TMEM74: variants seen among roughly 807,000 people sequenced by gnomAD.
TMEM74 encodes transmembrane protein 74.
TMEM74 carries 13 observed loss-of-function variants against 18.1 expected under a neutral mutation model. The observed-to-expected ratio is 0.72, with a 90% confidence interval of 0.47 to 1.14. The LOEUF is 1.14. Ranked by LOEUF, TMEM74 falls within the 50% of genes most tolerant of loss-of-function variation. The pLI is 0.00. For synonymous variants in TMEM74, 159 were observed against 146.6 expected, an observed-to-expected ratio of 1.08 and a Z score of -0.61; for missense variants, 372 against 375.9, an observed-to-expected ratio of 0.99 and a Z score of 0.09.
intron 1 of TMEM74, among the ~76,000 whole-genome samples, chr8:108,684,750 A>C (rs1423501574): frequency 1.4e-5 from 2 of 147,314 alleles, no homozygotes; most frequent in African/African-American, 5.0e-5. Context: ...TTTTGAGTTG[A>C]TTTTTGTATA....
intron 2 of TMEM74, among the ~76,000 whole-genome samples, chr8:108,650,042 G>A (rs1442225105): frequency 6.6e-6 from 1 of 152,064 alleles, no homozygotes; most frequent in African/African-American, 2.4e-5. Flanking sequence ...TCAGCTGCAT[G>A]CTTTTTATAT....
intron 2 of TMEM74, among the ~76,000 whole-genome samples, chr8:108,630,588 A>G (rs1309225980): frequency 6.6e-6 from 1 of 151,870 alleles, no homozygotes; most frequent in Non-Finnish European, 1.5e-5. Flanking sequence ...AGTAAAACAC[A>G]CCTCAGCAAA....
chr8:108,741,796 T>C (rs1201144066), intron 1 of TMEM74, among the ~76,000 whole-genome samples: 2 of 152,234 alleles, frequency 1.3e-5, no homozygotes, highest in East Asian at 1.9e-4. Context: ...AATTGGGAGA[T>C]TGGGAGACAG....
At position 108,636,550 on chromosome 8, in the gene TMEM74, A is replaced by C. The variant is rs144170107; in HGVS notation, n.264+18743T>G. ...TCCTTGGGAATGACTTTCCCTGAGGAACAAAAGACCCCAAAGATCTAAAAA... is the reference window on the plus strand; with the variant it reads ...TCCTTGGGAATGACTTTCCCTGAGGCACAAAAGACCCCAAAGATCTAAAAA... On this transcript the variant is annotated intron_variant and non_coding_transcript_variant, in intron 2 of 3. Transcript: ENST00000518838. 1.7e-3 allele frequency among the ~76,000 whole-genome samples: 261 copies of C among 151,984 alleles called. 1 individual carries two copies. Among genetic ancestry groups the C allele is most frequent in the African/African-American group, 5.9e-3 (245 of 41,338 alleles).
At chr8:108,752,820 G>C (rs938919553) in intron 1 of TMEM74, among the ~76,000 whole-genome samples, 2 of 151,964 alleles carry the variant, frequency 1.3e-5, no homozygotes, top group African/African-American at 4.8e-5. Context: ...TTAGAAATTT[G>C]CTTAATTTCT....
At chr8:108,703,611 T>A (rs187584843) in intron 1 of TMEM74, among the ~76,000 whole-genome samples, 1 of 152,186 alleles carries the variant, frequency 6.6e-6, no homozygotes, top group African/African-American at 2.4e-5. Flanking sequence ...GCTCCAAAGA[T>A]AGATTTGCCT....
chr8:108,710,868 C>T (rs553358805), intron 1 of TMEM74, among the ~76,000 whole-genome samples: 1 of 152,238 alleles, frequency 6.6e-6, no homozygotes, highest in South Asian at 2.1e-4. Flanking sequence ...GCAATTATAC[C>T]TTTTACAGAC....
intron 1 of TMEM74, among the ~76,000 whole-genome samples, chr8:108,693,633 T>C (rs1351136708): frequency 2.0e-5 from 3 of 152,222 alleles, no homozygotes; most frequent in Non-Finnish European, 4.4e-5. Flanking sequence ...CCAAATGCCT[T>C]CCTAAATAGG....
At chr8:108,712,579 T>G (rs1813484977) in intron 1 of TMEM74, among the ~76,000 whole-genome samples, 1 of 152,262 alleles carries the variant, frequency 6.6e-6, no homozygotes. Flanking sequence ...GCTCCCTGAG[T>G]AAAAGCCATT....
intron 1 of TMEM74, among the ~76,000 whole-genome samples, chr8:108,725,619 T>A (rs1016037958): frequency 6.6e-6 from 1 of 152,130 alleles, no homozygotes; most frequent in African/African-American, 2.4e-5. Context: ...CTAAGACAGG[T>A]ATGTAGTTTC....
intron 1 of TMEM74, among the ~76,000 whole-genome samples, chr8:108,684,770 C>CG (rs1253777326): frequency 6.7e-6 from 1 of 150,120 alleles, no homozygotes; most frequent in Non-Finnish European, 1.5e-5. Context: ...AGGTGAGAGG[C>CG]GGGGGGTTCT....
chr8:108,621,433 C>G (rs1378182478), intron 2 of TMEM74, among the ~76,000 whole-genome samples: 1 of 152,138 alleles, frequency 6.6e-6, no homozygotes. Context: ...AGGTCCCCCT[C>G]CCTGAAAACG....
chr8:108,733,166 G>T (rs971321403), intron 1 of TMEM74, among the ~76,000 whole-genome samples: 1 of 152,060 alleles, frequency 6.6e-6, no homozygotes, highest in African/African-American at 2.4e-5. Context: ...TTACCTAAGA[G>T]AATTTAAAAA....
Position 108,781,274 on chromosome 8 carries a change from A to C in TMEM74, c.*2907T>G, listed in dbSNP as rs1031877515. Among the ~76,000 whole-genome samples the C allele has an allele frequency of 1.3e-5, 2 of 152,222 alleles. No homozygotes were observed. The highest frequency in any genetic ancestry group is 4.8e-5 in the African/African-American group (2 of 41,468). On this transcript the variant is annotated 3_prime_UTR_variant, in exon 2 of 2. Transcript: ENST00000297459. Reference sequence around the variant, plus strand: ...GACAGACGGAAGGTCACAAATCTCCATGAAGGATGCAAGACCAAAACTATA... The same window carrying C: ...GACAGACGGAAGGTCACAAATCTCCCTGAAGGATGCAAGACCAAAACTATA...
intron 1 of TMEM74, among the ~76,000 whole-genome samples, chr8:108,754,198 A>C (rs534587974): frequency 6.6e-6 from 1 of 151,722 alleles, no homozygotes; most frequent in Non-Finnish European, 1.5e-5. Context: ...TGTATCTCCT[A>C]CTCCCCTTTG....
At chr8:108,734,092 C>G (rs1020044619) in intron 1 of TMEM74, among the ~76,000 whole-genome samples, 14 of 152,084 alleles carry the variant, frequency 9.2e-5, no homozygotes, top group African/African-American at 3.4e-4. Context: ...GAGTCAGAAG[C>G]CTGAGTGAGG....
intron 1 of TMEM74, among the ~76,000 whole-genome samples, chr8:108,666,784 C>T (rs911756729): frequency 2.6e-5 from 4 of 152,016 alleles, no homozygotes; most frequent in Admixed American, 6.6e-5. Context: ...AGCAACTAAC[C>T]GACCAGACAG....
downstream of TMEM74, among the ~76,000 whole-genome samples, chr8:108,777,296 A>G (rs1046010350): frequency 3.9e-5 from 6 of 152,188 alleles, no homozygotes; most frequent in Non-Finnish European, 7.3e-5. Flanking sequence ...AAGCACTCAA[A>G]TGTGACTTTC....
At chr8:108,606,864 A>C (rs1011398028) in exon 4 of TMEM74, 1 of 152,192 alleles carries the variant, frequency 6.6e-6, no homozygotes, top group Non-Finnish European at 1.5e-5. Flanking sequence ...TAAATCATCC[A>C]TTTTATTGTA....
Sources: allele counts gnomAD v4.1 joint callset (sites outside exome capture counted in the v4.1 genomes callset), GRCh38; gene constraint gnomAD v4.1.1; transcripts MANE v1.5; gene names NCBI Gene and HGNC (gene_info 2026-07-23, HGNC 2026-07-21).